The following FSTL5 variants were observed in gnomAD, a reference collection of about 807,000 sequenced individuals.
FSTL5 encodes follistatin-related protein 5.
FSTL5 carries 62 observed loss-of-function variants against 89.1 expected under a neutral mutation model. That is an observed-to-expected ratio of 0.70 (90% CI 0.57 to 0.86). The LOEUF is 0.86. Ranked by LOEUF, FSTL5 falls within the 40% of genes least tolerant of loss-of-function variation. The pLI is 0.00. For missense variants in FSTL5, 1,057 were observed against 1,001.6 expected, an observed-to-expected ratio of 1.06 and a Z score of -0.75; for synonymous variants, 383 against 346.2, an observed-to-expected ratio of 1.11 and a Z score of -1.18.
chr4:161,641,410 C>A (rs895388655), intron 7 of FSTL5, among the ~76,000 whole-genome samples: 5 of 142,222 alleles, frequency 3.5e-5, no homozygotes, highest in African/African-American at 1.4e-4. Context: ...TTTATGACAT[C>A]AACAACCAAA....
intron 3 of FSTL5, among the ~76,000 whole-genome samples, chr4:161,953,693 A>AT (rs1250461567): frequency 2.6e-5 from 4 of 151,668 alleles, no homozygotes; most frequent in Admixed American, 6.6e-5. Context: ...GCAAGCACAT[A>AT]TTTTTTTCAA....
chr4:162,135,141 A>G (rs1000680187), intron 1 of FSTL5, among the ~76,000 whole-genome samples: 6 of 152,186 alleles, frequency 3.9e-5, no homozygotes, highest in African/African-American at 1.4e-4. Flanking sequence ...GCCAGTCAGA[A>G]CAATGAGGTC....
intron 3 of FSTL5, among the ~76,000 whole-genome samples, chr4:161,977,612 C>CAAAAAAAAAA (rs796909244): frequency 5.3e-5 from 5 of 95,136 alleles, no homozygotes; most frequent in East Asian, 3.0e-4. Context: ...GACTCCGTGT[C>CAAAAAAAAAA]AAAAAAAAAA....
At chr4:161,661,881 TA>T (rs1736724841) in intron 6 of FSTL5, among the ~76,000 whole-genome samples, 1 of 152,172 alleles carries the variant, frequency 6.6e-6, no homozygotes, top group South Asian at 2.1e-4. Flanking sequence ...CAGCATGAAC[TA>T]AATACAAATC....
At chr4:161,802,380 G>T (rs1729826214) in intron 4 of FSTL5, among the ~76,000 whole-genome samples, 2 of 151,726 alleles carry the variant, frequency 1.3e-5, no homozygotes, top group African/African-American at 4.8e-5. Context: ...AACACAGTGA[G>T]TGCCCTTATA....
intron 3 of FSTL5, among the ~76,000 whole-genome samples, chr4:161,989,019 T>G (rs1247415856): frequency 6.6e-6 from 1 of 152,180 alleles, no homozygotes; most frequent in African/African-American, 2.4e-5. Flanking sequence ...TTGTGGAATG[T>G]GACAGTGACC....
At chr4:161,760,462 A>C (rs1359984971) in intron 5 of FSTL5, among the ~76,000 whole-genome samples, 3 of 152,262 alleles carry the variant, frequency 2.0e-5, no homozygotes, top group Middle Eastern at 3.4e-3. Context: ...CTTCAAAATC[A>C]GGTGGCTCTG....
chr4:161,721,696 C>T (rs1579047472), intron 6 of FSTL5, among the ~76,000 whole-genome samples: 1 of 152,120 alleles, frequency 6.6e-6, no homozygotes, highest in Non-Finnish European at 1.5e-5. Context: ...ACCTTGACCT[C>T]ATGGGCTAGG....
At chr4:161,858,508 A>G (rs1296586421) in intron 4 of FSTL5, among the ~76,000 whole-genome samples, 1 of 152,194 alleles carries the variant, frequency 6.6e-6, no homozygotes, top group African/African-American at 2.4e-5. Flanking sequence ...TCAAAATCCA[A>G]TGGAAGAGAC....
chr4:161,688,924 C>A (rs1343444731), intron 6 of FSTL5, among the ~76,000 whole-genome samples: 1 of 152,034 alleles, frequency 6.6e-6, no homozygotes, highest in African/African-American at 2.4e-5. Context: ...ACTTTTTCTG[C>A]CCTTGTTTCT....
At position 161,498,061 on chromosome 4, in the gene FSTL5, T is replaced by A. The variant is rs539796743; in HGVS notation, c.1458+1955A>T. ...ACATCACATTGCTTTGTCCTACATC[T>A]CTATGTCTCTATGTATGTATATATA... On this transcript the variant is annotated intron_variant, in intron 12 of 15. Coordinates refer to ENST00000306100, the MANE Select transcript of FSTL5 (RefSeq NM_020116.5). Among the ~76,000 whole-genome samples the A allele has an allele frequency of 4.2e-4, 63 of 151,778 alleles. 1 individual carries two copies. The highest frequency in any genetic ancestry group is 6.9e-3 in the Middle Eastern group (2 of 290).
intron 4 of FSTL5, among the ~76,000 whole-genome samples, chr4:161,919,039 T>G (rs1733919014): frequency 1.3e-5 from 2 of 152,172 alleles, no homozygotes. Flanking sequence ...ATTTTGATAG[T>G]TACATATTAT....
chr4:161,765,799 A>ATTT (rs796552249), intron 5 of FSTL5, among the ~76,000 whole-genome samples: 2 of 143,942 alleles, frequency 1.4e-5, no homozygotes, highest in African/African-American at 5.1e-5. Context: ...TCTAATATGC[A>ATTT]TTTTTTTTTT....
intron 1 of FSTL5, among the ~76,000 whole-genome samples, chr4:162,149,739 A>G (rs1192491497): frequency 6.6e-6 from 1 of 152,180 alleles, no homozygotes; most frequent in Non-Finnish European, 1.5e-5. Context: ...ATATGTATAT[A>G]TATAAGCACA....
chr4:161,938,395 T>A (rs1734489681), intron 3 of FSTL5, among the ~76,000 whole-genome samples: 1 of 152,008 alleles, frequency 6.6e-6, no homozygotes, highest in Admixed American at 6.6e-5. Context: ...TTTAAAATAT[T>A]TTACAGTTTT....
chr4:161,468,758 T>C (rs891955020), intron 13 of FSTL5, among the ~76,000 whole-genome samples: 2 of 152,174 alleles, frequency 1.3e-5, no homozygotes, highest in East Asian at 1.9e-4. Flanking sequence ...AGCATGATTT[T>C]AACTTAATAT....
intron 7 of FSTL5, among the ~76,000 whole-genome samples, chr4:161,643,029 A>C (rs1342575816): frequency 1.3e-5 from 2 of 152,168 alleles, no homozygotes; most frequent in East Asian, 3.8e-4. Flanking sequence ...GGGTATAAAC[A>C]TGTTGGTTTA....
intron 7 of FSTL5, among the ~76,000 whole-genome samples, chr4:161,630,505 A>G (rs1413113419): frequency 6.6e-6 from 1 of 152,212 alleles, no homozygotes; most frequent in Non-Finnish European, 1.5e-5. Flanking sequence ...CCAATGATAT[A>G]TGTGGATTTC....
chr4:161,793,167 GA>G (rs1008512847), intron 4 of FSTL5, among the ~76,000 whole-genome samples: 4 of 152,234 alleles, frequency 2.6e-5, no homozygotes, highest in African/African-American at 9.6e-5. Context: ...CTGCCCTGCT[GA>G]AGCAGCCAAT....
Sources: gnomAD v4.1 joint callset for allele counts (sites outside exome capture counted in the v4.1 genomes callset) on GRCh38, gnomAD v4.1.1 for gene constraint, MANE v1.5 for transcripts, NCBI Gene and HGNC (gene_info 2026-07-23, HGNC 2026-07-21) for gene names.